The following FAM83A variants were observed in gnomAD, a reference collection of about 807,000 sequenced individuals.
FAM83A encodes protein FAM83A.
Under a neutral mutation model 24.4 loss-of-function variants are expected in FAM83A, and 21 were observed. The ratio of observed to expected loss-of-function variants is 0.86; its 90% CI spans 0.61 to 1.24. The LOEUF is 1.24. Ranked by LOEUF, FAM83A falls within the 50% of genes most tolerant of loss-of-function variation. FAM83A has a pLI of 0.00. For synonymous variants in FAM83A, 270 were observed against 252.4 expected (o/e 1.07, Z -0.66); for missense variants, 617 against 579.8 (o/e 1.06, Z -0.66).
chr8:123,198,114 G>C (rs927276738), intron 3 of FAM83A, among the ~76,000 whole-genome samples: 1 of 152,176 alleles, frequency 6.6e-6, no homozygotes, highest in East Asian at 1.9e-4. Flanking sequence ...CTGGGTGACA[G>C]AGTGAGACTC....
In FAM83A at chr8:123,209,626, G is replaced by A; in HGVS notation, c.*1938G>A. Reference sequence around the variant, plus strand: ...GTTTAAGGAAGGCAAAGCTTGCCAGGTCACAGAAGCTCCCAAGCCCAGCTT... The same window carrying A: ...GTTTAAGGAAGGCAAAGCTTGCCAGATCACAGAAGCTCCCAAGCCCAGCTT... On this transcript the variant is annotated 3_prime_UTR_variant, in exon 4 of 4. Coordinates refer to ENST00000690554, the Ensembl canonical transcript of FAM83A. This position sits in a 1 kb window ranked among gnomAD's most constrained non-coding sequence, Gnocchi z 4.7. 6.6e-7 allele frequency: 1 copy of A among 1,504,984 alleles called. No homozygotes were observed. Among genetic ancestry groups the A allele is most frequent in the Non-Finnish European group, 9.1e-7 (1 of 1,096,556 alleles). 93.2% of individuals were successfully genotyped at this position (1,504,984 alleles called of 1,614,324 possible). A position where few individuals can be genotyped will look rare whatever the true frequency, so the allele number is the denominator to read the frequency against.
intron 3 of FAM83A, among the ~76,000 whole-genome samples, chr8:123,197,407 TATC>T (rs1312871489): frequency 1.3e-5 from 2 of 152,192 alleles, no homozygotes; most frequent in Non-Finnish European, 2.9e-5. Flanking sequence ...TAAATGGAAT[TATC>T]ATTCAATATG....
At chr8:123,182,923 C>T (rs566480737) in exon 1 of FAM83A, 13 of 1,549,172 alleles carry the variant, frequency 8.4e-6, no homozygotes, top group African/African-American at 5.5e-5. Context: ...CCAGTGGGTC[C>T]GGCCAGCCAG....
intron 3 of FAM83A, among the ~76,000 whole-genome samples, chr8:123,206,529 G>T (rs370479167): frequency 2.5e-4 from 38 of 152,194 alleles, no homozygotes; most frequent in African/African-American, 8.4e-4. Context: ...AGGTGGAGAC[G>T]AGAAGGCCCC....
At chr8:123,203,978 CA>C (rs113729464) in intron 3 of FAM83A, among the ~76,000 whole-genome samples, 9,739 of 142,384 alleles carry the variant, frequency 0.068, 956 homozygotes, top group African/African-American at 0.22. Flanking sequence ...AAAAAAAGGA[CA>C]AAAAAAAATT....
Position 123,209,124 on chromosome 8 carries a change from G to T in FAM83A, c.*1436G>T, listed in dbSNP as rs973014376. 9.5e-7 allele frequency: 1 copy of T among 1,052,762 alleles called. No homozygotes were observed. The highest frequency in any genetic ancestry group is 5.0e-5 in the Admixed American group (1 of 19,976). 65.2% of individuals were successfully genotyped at this position (1,052,762 alleles called of 1,614,324 possible). A position where few individuals can be genotyped will look rare whatever the true frequency, so the allele number is the denominator to read the frequency against. Reference sequence around the variant, plus strand: ...TGTGATCCAGGCTGGGGAGCCAGAGGGGAGCAGGTGCCAACTCCACATCCT... The same window carrying T: ...TGTGATCCAGGCTGGGGAGCCAGAGTGGAGCAGGTGCCAACTCCACATCCT... On this transcript the variant is annotated 3_prime_UTR_variant, in exon 4 of 4. Transcript: ENST00000690554. The surrounding 1 kb of genome is among the most constrained non-coding windows in gnomAD (Gnocchi z 4.7).
rs908072622 is a variant in FAM83A, at chr8:123,209,864, C to T, written c.*2176C>T. 2.7e-5 allele frequency: 9 copies of T among 330,260 alleles called. No individual in the cohort carries two copies. The South Asian group carries it at 3.4e-4, about 12-fold the overall frequency. The allele number at this position is 330,260 out of a possible 1,614,324, so 20.5% of individuals were successfully genotyped here. A position where few individuals can be genotyped will look rare whatever the true frequency, so the allele number is the denominator to read the frequency against. ...CTGGGAGGTTAGGTCGGGGCTGCCC[C>T]GGCGAGTGGAGCATGAGCAGAACCG... is the stretch of plus-strand genomic sequence containing the variant. On this transcript the variant is annotated 3_prime_UTR_variant, in exon 4 of 4. Coordinates refer to ENST00000690554, the Ensembl canonical transcript of FAM83A. This position sits in a 1 kb window ranked among gnomAD's most constrained non-coding sequence, Gnocchi z 4.7.
intron 3 of FAM83A, among the ~76,000 whole-genome samples, chr8:123,196,231 C>T (rs955927900): frequency 2.0e-5 from 3 of 152,166 alleles, no homozygotes; most frequent in East Asian, 3.9e-4. Context: ...ATACTGGTCT[C>T]GAACTACTGA....
intron 3 of FAM83A, among the ~76,000 whole-genome samples, chr8:123,198,973 C>T (rs1824255051): frequency 6.6e-6 from 1 of 152,158 alleles, no homozygotes; most frequent in Admixed American, 6.5e-5. Flanking sequence ...CTCTTGACCT[C>T]AATTGATGCG....
At position 123,193,967 on chromosome 8, in the gene FAM83A, C is replaced by T. The variant is rs1273409639; in HGVS notation, c.649-57C>T. On this transcript the variant is annotated intron_variant, in intron 2 of 3. Coordinates refer to ENST00000690554, the Ensembl canonical transcript of FAM83A. ...GAACATAAACATCCAGCCTAAAGCC[C>T]AAATGTATCTCTATAAACAGAATTA... 8.7e-6 allele frequency: 14 copies of T among 1,604,296 alleles called. No homozygotes were observed. In the African/African-American group the frequency reaches 1.7e-4, roughly 20 times the overall value.
rs199759565 is a variant in FAM83A, at chr8:123,207,623, C to A, written c.1240C>A (p.Leu414Met). Reference sequence around the variant, plus strand: ...GCCCACGCGGCTGCAGCTGGAGCAGCTGGGCCTGGTGCCGAGGCTGACTCC... The same window carrying A: ...GCCCACGCGGCTGCAGCTGGAGCAGATGGGCCTGGTGCCGAGGCTGACTCC... The change falls in exon 4 of 4, where the codon CTG (leucine) becomes ATG (methionine). Residue 414 changes from leucine to methionine, a missense_variant. Transcript: ENST00000690554. 1.0e-3 allele frequency: 1,558 copies of A among 1,553,968 alleles called. 2 individuals carry two copies. The highest frequency in any genetic ancestry group is 3.6e-3 in the Middle Eastern group (21 of 5,804).
exon 1 of FAM83A, chr8:123,183,229 G>A: frequency 1.2e-6 from 2 of 1,613,482 alleles, no homozygotes; most frequent in South Asian, 1.1e-5. Context: ...GGCCTCAGCT[G>A]AGAAGCCCTA....
chr8:123,190,831 G>T (rs866397819), intron 1 of FAM83A, among the ~76,000 whole-genome samples: 2 of 152,114 alleles, frequency 1.3e-5, no homozygotes, highest in African/African-American at 4.8e-5. Context: ...TGTCAGGCAG[G>T]CTCTCCCCAA....
intron 2 of FAM83A, among the ~76,000 whole-genome samples, chr8:123,192,401 A>G (rs1428708802): frequency 6.6e-6 from 1 of 152,146 alleles, no homozygotes; most frequent in Non-Finnish European, 1.5e-5. Context: ...CAGGGCAGGC[A>G]ACCTCCAGGG....
intron 1 of FAM83A, among the ~76,000 whole-genome samples, chr8:123,191,078 G>C (rs1262400435): frequency 2.6e-5 from 4 of 152,176 alleles, no homozygotes; most frequent in African/African-American, 9.7e-5. Flanking sequence ...TCAAAGAATG[G>C]CAATAGACCC....
chr8:123,185,163 C>T (rs954377975), intron 1 of FAM83A, among the ~76,000 whole-genome samples: 2 of 152,176 alleles, frequency 1.3e-5, no homozygotes, highest in Non-Finnish European at 2.9e-5. Flanking sequence ...CTTTGTGGCC[C>T]GGCGCTGGCT....
At chr8:123,182,563 T>G (rs905173451), upstream of FAM83A, 2 of 610,758 alleles carry the variant, frequency 3.3e-6, no homozygotes, top group Non-Finnish European at 6.1e-6. Context: ...AGAGGAAATA[T>G]CCCATGGCTG....
intron 3 of FAM83A, among the ~76,000 whole-genome samples, chr8:123,196,917 C>T (rs6997530): frequency 0.27 from 40,377 of 152,114 alleles, 5,757 homozygotes; most frequent in African/African-American, 0.38. Context: ...AGCTACTTTT[C>T]CTGGTTCTCT....
chr8:123,194,565 C>T (rs925362756), intron 3 of FAM83A, among the ~76,000 whole-genome samples: 2 of 150,776 alleles, frequency 1.3e-5, no homozygotes, highest in Non-Finnish European at 2.9e-5. Context: ...CTCATTGCAA[C>T]CTCCGCCTCC....
Sources: allele counts gnomAD v4.1 joint callset (sites outside exome capture counted in the v4.1 genomes callset), GRCh38; gene constraint gnomAD v4.1.1; non-coding constraint Gnocchi (gnomAD v3.1); transcripts MANE v1.5; gene names NCBI Gene and HGNC (gene_info 2026-07-23, HGNC 2026-07-21).